The following CHRM2 variants were observed in gnomAD, a reference collection of about 807,000 sequenced individuals.
CHRM2 encodes the protein cholinergic receptor muscarinic 2.
CHRM2 carries 8 observed loss-of-function variants against 25.0 expected under a neutral mutation model. The observed-to-expected ratio is 0.32, with a 90% confidence interval of 0.19 to 0.58. CHRM2 has a LOEUF of 0.58. Among genes scored for constraint, CHRM2 ranks in the 20% least tolerant of loss-of-function variants. The probability of loss-of-function intolerance (pLI) is 0.88; values close to 1 mark genes in which losing one functional copy is unlikely to be tolerated. For synonymous variants in CHRM2, 202 were observed against 205.7 expected (o/e 0.98, Z 0.15); for missense variants, 440 against 567.1 (o/e 0.78, Z 2.28).
intron 2 of CHRM2, chr7:136,903,176 T>C (rs749395927): frequency 1.9e-6 from 1 of 534,116 alleles, no homozygotes; most frequent in African/African-American, 1.9e-5. Flanking sequence ...ATGGAGGCCT[T>C]GCTGGTTTGG....
At chr7:136,938,703 T>C (rs1421196902) in intron 2 of CHRM2, 48 of 751,674 alleles carry the variant, frequency 6.4e-5, no homozygotes, top group Non-Finnish European at 9.9e-5. Context: ...GTGGACACCT[T>C]GTAGGACTGT....
intron 2 of CHRM2, among the ~76,000 whole-genome samples, chr7:136,966,678 C>T (rs73158758): frequency 0.042 from 6,313 of 150,380 alleles, 182 homozygotes; most frequent in Non-Finnish European, 0.062. Context: ...TTAATACAAA[C>T]CGTAATACAC....
At chr7:136,954,877 TCA>T (rs1340182201) in intron 2 of CHRM2, among the ~76,000 whole-genome samples, 1 of 152,150 alleles carries the variant, frequency 6.6e-6, no homozygotes. Flanking sequence ...TTCTGGGAGA[TCA>T]CTATAGATTG....
In CHRM2 at chr7:136,913,237, G is replaced by T. The variant is rs1453863786; in HGVS notation, c.-125+43819G>T. ...AAATGCCTTTGAGCATCTTCTTTGT[G>T]GCTGGCATTATTCTGATTGAAAGAT... On this transcript the variant is annotated intron_variant, in intron 2 of 3. Coordinates refer to ENST00000680005, the MANE Select transcript of CHRM2 (RefSeq NM_001006630.2). Among the ~76,000 whole-genome samples the T allele has an allele frequency of 3.3e-5, 5 of 151,566 alleles. No homozygotes were observed. The East Asian group carries it at 9.7e-4, about 29-fold the overall frequency.
intron 2 of CHRM2, among the ~76,000 whole-genome samples, chr7:136,910,056 C>T (rs1036948908): frequency 6.6e-6 from 1 of 151,662 alleles, no homozygotes; most frequent in Admixed American, 6.6e-5. Flanking sequence ...TGATTTTTAG[C>T]CAAGGTGAGG....
intron 2 of CHRM2, among the ~76,000 whole-genome samples, chr7:136,895,511 T>G (rs999444706): frequency 6.6e-6 from 1 of 152,226 alleles, no homozygotes; most frequent in Non-Finnish European, 1.5e-5. Context: ...GTTTCTGCTC[T>G]TTTGGCCATG....
chr7:136,975,397 T>C (rs868334723), intron 2 of CHRM2, among the ~76,000 whole-genome samples: 35 of 152,184 alleles, frequency 2.3e-4, no homozygotes, highest in Middle Eastern at 3.4e-3. Flanking sequence ...GAGAAATACA[T>C]AAATTTTCTA....
chr7:136,892,360 G>A (rs376255368), intron 2 of CHRM2, among the ~76,000 whole-genome samples: 1 of 152,120 alleles, frequency 6.6e-6, no homozygotes, highest in African/African-American at 2.4e-5. Flanking sequence ...TCTTCAATGA[G>A]ATTGCATTGG....
chr7:136,981,296 T>A lies in CHRM2; in HGVS notation c.-124-10891T>A, dbSNP rs1052518309. Reference sequence around the variant, plus strand: ...GTGGGATCAGTGGTAATATCACATTTATCATTTTTCATTGTGTCTATTTGA... The same window carrying A: ...GTGGGATCAGTGGTAATATCACATTAATCATTTTTCATTGTGTCTATTTGA... On this transcript the variant is annotated intron_variant, in intron 2 of 3. Transcript: ENST00000680005. Among the ~76,000 whole-genome samples the A allele has an allele frequency of 2.6e-5, 4 of 152,210 alleles. 1 individual carries two copies. Among genetic ancestry groups the A allele is most frequent in the Non-Finnish European group, 5.9e-5 (4 of 68,040 alleles).
At chr7:136,912,372 G>A (rs1269220947) in intron 2 of CHRM2, among the ~76,000 whole-genome samples, 1 of 151,910 alleles carries the variant, frequency 6.6e-6, no homozygotes, top group East Asian at 1.9e-4. Context: ...ATGCCCAAAA[G>A]AATGTCCTCT....
chr7:136,979,515 T>A (rs1158483166), intron 2 of CHRM2, among the ~76,000 whole-genome samples: 1 of 152,254 alleles, frequency 6.6e-6, no homozygotes, highest in Non-Finnish European at 1.5e-5. Flanking sequence ...CATGAAGCCT[T>A]TCCCCAGGCC....
At chr7:136,998,535 T>C (rs1452157596) in intron 3 of CHRM2, among the ~76,000 whole-genome samples, 1 of 152,126 alleles carries the variant, frequency 6.6e-6, no homozygotes, top group Non-Finnish European at 1.5e-5. Context: ...CTAAGACTCT[T>C]TTAGAGATGA....
chr7:137,000,432 T>G (rs1803922062), intron 3 of CHRM2, among the ~76,000 whole-genome samples: 1 of 150,954 alleles, frequency 6.6e-6, no homozygotes, highest in African/African-American at 2.4e-5. Flanking sequence ...ACTCCTGACC[T>G]CAGGTGATCT....
chr7:136,938,682 A>C, intron 2 of CHRM2: 1 of 778,298 alleles, frequency 1.3e-6, no homozygotes, highest in Non-Finnish European at 2.3e-6. Flanking sequence ...CTGAAGGCCC[A>C]GGGGCCAGAG....
Position 136,960,570 on chromosome 7 carries a change from G to A in CHRM2, c.-124-31617G>A, listed in dbSNP as rs552280650. On this transcript the variant is annotated intron_variant, in intron 2 of 3. Transcript: ENST00000680005. ...TAGACTAAGTTAACTATAAGTTGTA[G>A]AGTAACTGCTTAACTATAAGTTGTA... Among the ~76,000 whole-genome samples, 4 of 152,350 alleles carry A rather than the reference G, an allele frequency of 2.6e-5. No individual in the cohort carries two copies. In the South Asian group the frequency reaches 6.2e-4, roughly 24 times the overall value.
At chr7:137,013,268 A>G (rs909426098) in intron 3 of CHRM2, among the ~76,000 whole-genome samples, 1 of 152,102 alleles carries the variant, frequency 6.6e-6, no homozygotes, top group East Asian at 1.9e-4. Context: ...GTCTTATTAT[A>G]TTAAGGCCAA....
At chr7:136,916,719 A>T in intron 2 of CHRM2, among the ~76,000 whole-genome samples, 1 of 151,124 alleles carries the variant, frequency 6.6e-6, no homozygotes, top group Non-Finnish European at 1.5e-5. Context: ...CAGCCACTGA[A>T]AAATGCTATG....
intron 2 of CHRM2, among the ~76,000 whole-genome samples, chr7:136,914,687 C>T (rs935819651): frequency 6.7e-4 from 102 of 151,994 alleles, no homozygotes; most frequent in African/African-American, 2.3e-3. Context: ...TTCTAAAAAG[C>T]AATACAATTT....
intron 2 of CHRM2, among the ~76,000 whole-genome samples, chr7:136,971,084 C>T (rs530142117): frequency 2.0e-4 from 31 of 152,286 alleles, no homozygotes; most frequent in Non-Finnish European, 4.0e-4. Flanking sequence ...GAAATATTCT[C>T]AAGCCAATTG....
Sources: allele counts gnomAD v4.1 joint callset (sites outside exome capture counted in the v4.1 genomes callset), GRCh38; gene constraint gnomAD v4.1.1; transcripts MANE v1.5; gene names NCBI Gene and HGNC (gene_info 2026-07-23, HGNC 2026-07-21).